Variants in RGMB observed in about 807,000 individuals in gnomAD.
The protein encoded by RGMB is repulsive guidance molecule BMP co-receptor b.
RGMB carries 16 observed loss-of-function variants against 26.9 expected under a neutral mutation model. The observed-to-expected ratio is 0.60, with a 90% CI of 0.40 to 0.90. The LOEUF (loss-of-function observed/expected upper bound fraction) is 0.90. Ranked by LOEUF, RGMB falls within the 40% of genes least tolerant of loss-of-function variation. The probability of loss-of-function intolerance (pLI) is 0.00; values close to 1 mark genes in which losing one functional copy is unlikely to be tolerated. For synonymous variants in RGMB, 225 were observed against 229.3 expected (o/e 0.98, Z 0.17); for missense variants, 512 against 573.3 (o/e 0.89, Z 1.09).
chr5:98,774,243 G>A (rs566127855), intron 1 of RGMB, 37 bp downstream of exon 1: 4 of 1,364,072 alleles, frequency 2.9e-6, no homozygotes, highest in South Asian at 3.4e-5. Flanking sequence ...CAGCCCCGGG[G>A]CCTAGGGCTT....
At chr5:98,777,430 A>G (rs745338535) in intron 1 of RGMB, among the ~76,000 whole-genome samples, 5 of 152,166 alleles carry the variant, frequency 3.3e-5, no homozygotes, top group South Asian at 2.1e-4. Flanking sequence ...AAAAAATGCA[A>G]TAGCTACTTA....
At chr5:98,791,556 C>T (rs1164663691) in intron 2 of RGMB, among the ~76,000 whole-genome samples, 1 of 152,132 alleles carries the variant, frequency 6.6e-6, no homozygotes, top group Non-Finnish European at 1.5e-5. Context: ...AGTTTCCTTG[C>T]AGGAGGTAGA....
chr5:98,783,837 C>T (rs1353538092), intron 2 of RGMB, among the ~76,000 whole-genome samples: 1 of 151,946 alleles, frequency 6.6e-6, no homozygotes, highest in Non-Finnish European at 1.5e-5. Flanking sequence ...CATACCTAAA[C>T]AAACAATGGA....
intron 2 of RGMB, among the ~76,000 whole-genome samples, chr5:98,786,890 GTTTAC>G (rs766668069): frequency 1.2e-4 from 19 of 152,290 alleles, no homozygotes; most frequent in Middle Eastern, 3.4e-3. Flanking sequence ...CCAGTTAACT[GTTTAC>G]TTTAAGAGTT....
chr5:98,781,790 C>G (rs1413422425), intron 2 of RGMB, among the ~76,000 whole-genome samples: 1 of 152,190 alleles, frequency 6.6e-6, no homozygotes, highest in Admixed American at 6.5e-5. Flanking sequence ...TTCAGTCTTT[C>G]AGAATTCTAT....
At chr5:98,771,771 T>C (rs764284374), upstream of RGMB, 15 of 152,152 alleles carry the variant, frequency 9.9e-5, no homozygotes, top group Non-Finnish European at 1.6e-4. Context: ...CGTGTACTTA[T>C]GGAACAGGAT....
upstream of RGMB, chr5:98,770,423 C>G: frequency 2.5e-6 from 1 of 406,568 alleles, no homozygotes; most frequent in South Asian, 1.4e-4. Context: ...GCAAGCGGCT[C>G]CCAAATGCTT....
At chr5:98,790,435 T>C (rs1746893730) in intron 2 of RGMB, among the ~76,000 whole-genome samples, 1 of 152,232 alleles carries the variant, frequency 6.6e-6, no homozygotes, top group African/African-American at 2.4e-5. Flanking sequence ...TAGGATATTT[T>C]GTAGGTGTAG....
chr5:98,768,953 G>A (rs1259214938), upstream of RGMB: 2 of 152,208 alleles, frequency 1.3e-5, no homozygotes, highest in Admixed American at 6.5e-5. Flanking sequence ...AGTGGGAACA[G>A]CCCGCACGCG....
At position 98,774,153 on chromosome 5, in the gene RGMB, C is replaced by CGCCGCTGGA; in HGVS notation, c.86_94dup (p.Pro29_Glu31dup). The CGCCGCTGGA allele has an allele frequency of 4.0e-6, 6 of 1,498,160 alleles. No homozygotes were observed. In the South Asian group the frequency reaches 6.2e-5, roughly 16 times the overall value. The allele number at this position is 1,498,160 out of a possible 1,614,324, so 92.8% of individuals were successfully genotyped here. On this transcript the variant is annotated inframe_insertion, in exon 1 of 3. Transcript: ENST00000513185. ...CGCCGCAGCCCCGGGCTCTGCCCCC[C>CGCCGCTGGA]GCCGCTGGAGCTGCTGCTGCTGCTG... is the stretch of plus-strand genomic sequence containing the variant.
Position 98,773,998 on chromosome 5 carries a change from C to T in RGMB, c.-73C>T. 1.6e-6 allele frequency: 1 copy of T among 637,830 alleles called. No individual in the cohort carries two copies. Among genetic ancestry groups the T allele is most frequent in the Non-Finnish European group, 2.8e-6 (1 of 356,120 alleles). The allele number at this position is 637,830 out of a possible 1,614,324, so 39.5% of individuals were successfully genotyped here. On this transcript the variant is annotated 5_prime_UTR_variant, in exon 1 of 3. Transcript: ENST00000513185. ...GCGCGCCCCCCGGCCCATGCCGCAG[C>T]CACGGGCCCAGACCCGCCACGGCGC...
chr5:98,781,482 A>C (rs1746603885), intron 2 of RGMB, among the ~76,000 whole-genome samples: 1 of 152,192 alleles, frequency 6.6e-6, no homozygotes, highest in South Asian at 2.1e-4. Flanking sequence ...ATTATATATA[A>C]AGTTATAGAA....
upstream of RGMB, among the ~76,000 whole-genome samples, chr5:98,771,451 A>C (rs1746161443): frequency 6.6e-6 from 1 of 152,204 alleles, no homozygotes; most frequent in Admixed American, 6.5e-5. Flanking sequence ...TTCCAAGCCA[A>C]TTCCTGATCT....
Position 98,796,395 on chromosome 5 carries a change from G to C in RGMB, c.*2642G>C, listed in dbSNP as rs1431451646. 6.9e-6 allele frequency: 1 copy of C among 144,636 alleles called. No homozygotes were observed. The highest frequency in any genetic ancestry group is 1.5e-5 in the Non-Finnish European group (1 of 66,808). 9.0% of individuals were successfully genotyped at this position (144,636 alleles called of 1,614,324 possible). A position where few individuals can be genotyped will look rare whatever the true frequency, so the allele number is the denominator to read the frequency against. Reference sequence around the variant, plus strand: ...AAGAAACCTTTAGATGTGGTTCATAGATATATGAATACGTATCTGTGTAAA... The same window carrying C: ...AAGAAACCTTTAGATGTGGTTCATACATATATGAATACGTATCTGTGTAAA... On this transcript the variant is annotated 3_prime_UTR_variant, in exon 3 of 3. Transcript: ENST00000513185.
intron 2 of RGMB, among the ~76,000 whole-genome samples, chr5:98,792,523 CAG>C (rs1180390740): frequency 6.6e-6 from 1 of 152,024 alleles, no homozygotes; most frequent in East Asian, 1.9e-4. Flanking sequence ...CGCTTGAGGC[CAG>C]GAGTTCAAGA....
intron 1 of RGMB, among the ~76,000 whole-genome samples, chr5:98,777,430 A>T (rs745338535): frequency 1.3e-5 from 2 of 152,166 alleles, no homozygotes; most frequent in African/African-American, 2.4e-5. Context: ...AAAAAATGCA[A>T]TAGCTACTTA....
At chr5:98,792,668 G>A (rs548673127) in intron 2 of RGMB, among the ~76,000 whole-genome samples, 31 of 147,878 alleles carry the variant, frequency 2.1e-4, no homozygotes, top group African/African-American at 7.8e-4. Flanking sequence ...GTACTCAGGA[G>A]GCTGAAGTGG....
At chr5:98,776,192 A>C (rs941939279) in intron 1 of RGMB, among the ~76,000 whole-genome samples, 2 of 152,202 alleles carry the variant, frequency 1.3e-5, no homozygotes, top group African/African-American at 2.4e-5. Flanking sequence ...AAATGATGAA[A>C]TGAAAGCTCT....
chr5:98,772,586 G>A (rs1463649398), upstream of RGMB: 1 of 152,168 alleles, frequency 6.6e-6, no homozygotes, highest in East Asian at 1.9e-4. Flanking sequence ...TCAGCCTTGA[G>A]GTCATTCTTG....
Sources: allele counts gnomAD v4.1 joint callset (sites outside exome capture counted in the v4.1 genomes callset), GRCh38; gene constraint gnomAD v4.1.1; transcripts MANE v1.5; gene names NCBI Gene and HGNC (gene_info 2026-07-23, HGNC 2026-07-21).